SAXO1: variants seen among roughly 807,000 people sequenced by gnomAD.
SAXO1 encodes the protein stabilizer of axonemal microtubules 1.
Under a neutral mutation model 17.5 loss-of-function variants are expected in SAXO1, and 21 were observed. The ratio of observed to expected loss-of-function variants is 1.20; its 90% CI spans 0.85 to 1.72. SAXO1 has a LOEUF of 1.72. Ranked by LOEUF, SAXO1 falls within the 40% of genes most tolerant of loss-of-function variation. The pLI is 0.00. For missense variants in SAXO1, 843 were observed against 596.0 expected (o/e 1.41, Z -4.32); for synonymous variants, 274 against 216.5 (o/e 1.27, Z -2.33).
At chr9:19,034,271 T>C (rs1055867816), upstream of SAXO1, among the ~76,000 whole-genome samples, 1 of 146,040 alleles carries the variant, frequency 6.8e-6, no homozygotes. Context: ...TTTCTTTTTG[T>C]GTGGGGGGGG....
chr9:18,998,656 T>A (rs1355025555), intron 1 of SAXO1, among the ~76,000 whole-genome samples: 2 of 152,076 alleles, frequency 1.3e-5, no homozygotes, highest in Admixed American at 6.6e-5. Flanking sequence ...CCCAAACACG[T>A]AATTGTCAGA....
chr9:19,014,268 C>G (rs4977274), intron 1 of SAXO1, among the ~76,000 whole-genome samples: 14,172 of 151,858 alleles, frequency 0.093, 773 homozygotes, highest in Admixed American at 0.13. Flanking sequence ...CAAGACCAGC[C>G]TGGCCAACGT....
chr9:19,027,956 C>G (rs896618953), intron 1 of SAXO1: 1 of 1,475,750 alleles, frequency 6.8e-7, no homozygotes, highest in East Asian at 2.3e-5. Flanking sequence ...ACGTGAACTG[C>G]GAGGGAGCTG....
chr9:19,018,008 A>C (rs2131008741), intron 1 of SAXO1, among the ~76,000 whole-genome samples: 1 of 152,212 alleles, frequency 6.6e-6, no homozygotes, highest in Admixed American at 6.5e-5. Context: ...TCTCTACAAA[A>C]AATACAAAAA....
At chr9:18,997,082 T>C (rs770899273) in intron 1 of SAXO1, among the ~76,000 whole-genome samples, 10 of 152,094 alleles carry the variant, frequency 6.6e-5, no homozygotes, top group Non-Finnish European at 8.8e-5. Context: ...GTTCATCTCA[T>C]TGGGAATGGT....
chr9:19,010,539 A>G (rs1293467299), intron 1 of SAXO1, among the ~76,000 whole-genome samples: 1 of 152,068 alleles, frequency 6.6e-6, no homozygotes, highest in African/African-American at 2.4e-5. Flanking sequence ...AGGAGCAGAA[A>G]GATCCTGACC....
chr9:19,022,708 T>C (rs970228539), intron 1 of SAXO1, among the ~76,000 whole-genome samples: 2 of 152,218 alleles, frequency 1.3e-5, no homozygotes, highest in Non-Finnish European at 2.9e-5. Context: ...TTTGTTAACA[T>C]TAGAATGAAG....
At chr9:18,979,612 G>A (rs954254911) in intron 1 of SAXO1, among the ~76,000 whole-genome samples, 1 of 152,218 alleles carries the variant, frequency 6.6e-6, no homozygotes, top group Non-Finnish European at 1.5e-5. Context: ...CTCTGGATTG[G>A]GAGTGATCTC....
intron 1 of SAXO1, among the ~76,000 whole-genome samples, chr9:19,006,031 T>A (rs529858736): frequency 6.6e-6 from 1 of 152,328 alleles, no homozygotes; most frequent in East Asian, 1.9e-4. Context: ...ATTTTCAGTA[T>A]CACTAGTCAT....
chr9:18,989,190 C>T (rs1265228891), intron 1 of SAXO1, among the ~76,000 whole-genome samples: 1 of 152,152 alleles, frequency 6.6e-6, no homozygotes, highest in African/African-American at 2.4e-5. Flanking sequence ...CTGAGACTAG[C>T]AAATTAGTAA....
At chr9:18,988,916 T>C (rs937722637) in intron 1 of SAXO1, among the ~76,000 whole-genome samples, 3 of 152,202 alleles carry the variant, frequency 2.0e-5, no homozygotes, top group Non-Finnish European at 2.9e-5. Flanking sequence ...CTGAGCATAG[T>C]TTGTGAAAAT....
chr9:18,949,766 AC>A (rs1250764562), intron 2 of SAXO1, among the ~76,000 whole-genome samples: 1 of 152,268 alleles, frequency 6.6e-6, no homozygotes, highest in Non-Finnish European at 1.5e-5. Context: ...ACCATCTGGG[AC>A]CTTTACTAGC....
intron 1 of SAXO1, among the ~76,000 whole-genome samples, chr9:18,984,038 C>T (rs980512133): frequency 2.0e-5 from 3 of 146,490 alleles, no homozygotes; most frequent in East Asian, 1.9e-4. Context: ...CAATATTCAT[C>T]TCCTTATACA....
chr9:18,985,136 T>G (rs111531724), intron 1 of SAXO1, among the ~76,000 whole-genome samples: 3,040 of 152,030 alleles, frequency 0.02, 97 homozygotes, highest in African/African-American at 0.07. Context: ...AGGAGAGAGA[T>G]GCGAGAATGG....
intron 1 of SAXO1, among the ~76,000 whole-genome samples, chr9:19,007,524 G>C (rs1282683051): frequency 1.3e-5 from 2 of 152,128 alleles, no homozygotes; most frequent in Non-Finnish European, 2.9e-5. Context: ...CCTTCTTTTA[G>C]AAGTTTAGAT....
chr9:19,022,308 C>T (rs1264771278), intron 1 of SAXO1, among the ~76,000 whole-genome samples: 3 of 152,248 alleles, frequency 2.0e-5, no homozygotes, highest in Non-Finnish European at 4.4e-5. Flanking sequence ...GACACACCAT[C>T]TGTAAGAACT....
intron 1 of SAXO1, among the ~76,000 whole-genome samples, chr9:18,976,831 T>A (rs1361541018): frequency 6.6e-6 from 1 of 152,202 alleles, no homozygotes; most frequent in Non-Finnish European, 1.5e-5. Flanking sequence ...AGCTAGTGCA[T>A]ACATGCACAC....
chr9:18,939,535 T>A (rs1199102285), intron 3 of SAXO1, among the ~76,000 whole-genome samples: 1 of 152,242 alleles, frequency 6.6e-6, no homozygotes, highest in Non-Finnish European at 1.5e-5. Flanking sequence ...ATCTTTCAGC[T>A]GCTAGCTGAA....
rs112465029 is a variant in SAXO1, at chr9:19,027,111, G to C, written c.38+5760C>G. The C allele has an allele frequency of 1.4e-4, 133 of 955,448 alleles. 1 individual carries two copies. The African/African-American group carries it at 1.7e-3, about 12-fold the overall frequency. The allele number at this position is 955,448 out of a possible 1,614,324, so 59.2% of individuals were successfully genotyped here. ...TGTGAACAAAACCCTGGTGTACCTT[G>C]TCTCCAACATCATCGAGCTCCTGGA... On this transcript the variant is annotated intron_variant, in intron 1 of 3. Transcript: ENST00000380534.
Sources: gnomAD v4.1 joint callset for allele counts (sites outside exome capture counted in the v4.1 genomes callset) on GRCh38, gnomAD v4.1.1 for gene constraint, MANE v1.5 for transcripts, NCBI Gene and HGNC (gene_info 2026-07-23, HGNC 2026-07-21) for gene names.